SLC51A: variants seen among roughly 807,000 people sequenced by gnomAD.
SLC51A encodes solute carrier family 51 member A.
Under a neutral mutation model 34.8 loss-of-function variants are expected in SLC51A, and 22 were observed. That is an observed-to-expected ratio of 0.63 (90% CI 0.45 to 0.90). The LOEUF (loss-of-function observed/expected upper bound fraction) is 0.90, where lower values mean the gene tolerates loss of function less well. Among genes scored for constraint, SLC51A ranks in the 40% least tolerant of loss-of-function variants. The pLI, the probability that SLC51A is intolerant of heterozygous loss-of-function variation, is 0.00. For missense variants in SLC51A, 371 were observed against 414.8 expected (o/e 0.89, Z 0.92); for synonymous variants, 181 against 176.3 (o/e 1.03, Z -0.21).
intron 2 of SLC51A, 32 bp from the exon 3 acceptor site, chr3:196,226,933 G>C (rs376126691): frequency 6.3e-7 from 1 of 1,588,012 alleles, no homozygotes; most frequent in Non-Finnish European, 8.6e-7. Context: ...GCTCAGTCCC[G>C]GTCGTCAGCT....
At chr3:196,223,938 C>T in intron 2 of SLC51A, 1 of 381,598 alleles carries the variant, frequency 2.6e-6, no homozygotes, top group Non-Finnish European at 5.0e-6. Context: ...CAGCTCAATG[C>T]AACCTCCACC....
intron 2 of SLC51A, among the ~76,000 whole-genome samples, 196 bp from the exon 3 acceptor site, chr3:196,226,769 G>A (rs1232490097): frequency 2.2e-5 from 2 of 91,628 alleles, no homozygotes; most frequent in African/African-American, 4.1e-5. Flanking sequence ...GTGAGGCTCC[G>A]TCTTAAAAAA....
At chr3:196,217,666 A>C (rs551304916) in intron 1 of SLC51A, among the ~76,000 whole-genome samples, 176 bp from the exon 2 acceptor site, 3 of 151,900 alleles carry the variant, frequency 2.0e-5, no homozygotes, top group East Asian at 3.9e-4. Context: ...GAAGGGAGAG[A>C]GAAAGAGAAA....
chr3:196,229,690 A>T (rs1281753095), intron 6 of SLC51A, among the ~76,000 whole-genome samples: 4 of 71,410 alleles, frequency 5.6e-5, no homozygotes, highest in African/African-American at 2.2e-4. Flanking sequence ...CTCTATTATT[A>T]AAAAAAAAAA....
chr3:196,223,045 CCT>C (rs1723800462), intron 2 of SLC51A, among the ~76,000 whole-genome samples: 1 of 151,762 alleles, frequency 6.6e-6, no homozygotes, highest in African/African-American at 2.4e-5. Context: ...CCCAGGGTTG[CCT>C]TTGATGATCT....
At position 196,216,707 on chromosome 3, in the gene SLC51A, G is replaced by T. The variant is rs747550066; in HGVS notation, c.-6G>T. ...TGCCTGCGGGATTGCTGGAGAGAAC[G>T]CGGCGATGGAGCCGGGCAGGACCCA... On this transcript the variant is annotated 5_prime_UTR_variant, in exon 1 of 9. Transcript: ENST00000296327. This position sits in a 1 kb window ranked among gnomAD's most constrained non-coding sequence, Gnocchi z 4.5. The T allele has an allele frequency of 4.5e-6, 7 of 1,567,902 alleles. No individual in the cohort carries two copies. The highest frequency in any genetic ancestry group is 3.5e-5 in the South Asian group (3 of 85,500).
chr3:196,229,378 CTTTT>C (rs35341874), intron 6 of SLC51A, among the ~76,000 whole-genome samples: 2 of 130,898 alleles, frequency 1.5e-5, no homozygotes, highest in African/African-American at 2.8e-5. Context: ...GATACCATCT[CTTTT>C]TTTTTTTTTT....
intron 4 of SLC51A, 30 bp downstream of exon 4, chr3:196,227,767 G>T: frequency 6.3e-7 from 1 of 1,593,598 alleles, no homozygotes; most frequent in Non-Finnish European, 8.6e-7. Flanking sequence ...CCACCTCCAA[G>T]GGCCCCTCTG....
At chr3:196,218,255 A>G (rs926743304) in intron 2 of SLC51A, among the ~76,000 whole-genome samples, 2 of 152,236 alleles carry the variant, frequency 1.3e-5, no homozygotes, top group African/African-American at 2.4e-5. Context: ...CTGGGGACCC[A>G]AGATGGTGCC....
At chr3:196,221,686 TTTTGTTTG>T (rs1278607524) in intron 2 of SLC51A, among the ~76,000 whole-genome samples, 2 of 151,856 alleles carry the variant, frequency 1.3e-5, no homozygotes, top group African/African-American at 2.4e-5. Flanking sequence ...TTTACTTTGT[TTTTGTTTG>T]TTTGTTTGTT....
rs781326524 is a variant in SLC51A, at chr3:196,233,120, T to C, written c.944T>C (p.Met315Thr). 1.2e-6 allele frequency: 2 copies of C among 1,614,222 alleles called. No individual in the cohort carries two copies. Among genetic ancestry groups the C allele is most frequent in the Non-Finnish European group, 1.7e-6 (2 of 1,180,018 alleles). Residue 315 changes from methionine to threonine, a missense_variant, in exon 9 of 9, where the codon ATG becomes ACG. Coordinates refer to ENST00000296327, the MANE Select transcript of SLC51A (RefSeq NM_152672.6). ...ETFLMTVLTR[M>T]YYRRKDHKVG... ...TTTCTAATGACTGTGCTGACACGAA[T>C]GTACTACCGAAGGAAAGACCACAAG...
Position 196,227,091 on chromosome 3 carries a change from C to G in SLC51A, c.260C>G (p.Thr87Ser). The change falls in exon 3 of 9, where the codon ACT becomes AGT. Residue 87 changes from threonine (T) to serine (S), a missense_variant. Coordinates refer to ENST00000296327, the MANE Select transcript of SLC51A (RefSeq NM_152672.6). ...ACCCTTTGCCCCATCAAGAGGCGGACTCTGCTCTGGAAGAGCTCGGCACCC... is the reference window on the plus strand; with the variant it reads ...ACCCTTTGCCCCATCAAGAGGCGGAGTCTGCTCTGGAAGAGCTCGGCACCC... The part of the protein sequence containing the change: ...KNTLCPIKRR[T>S]LLWKSSAPTV... 1.2e-6 allele frequency: 2 copies of G among 1,614,094 alleles called. No individual in the cohort carries two copies. Among genetic ancestry groups the G allele is most frequent in the Non-Finnish European group, 1.7e-6 (2 of 1,180,028 alleles).
chr3:196,225,933 C>G (rs958574348), intron 2 of SLC51A: 1 of 152,194 alleles, frequency 6.6e-6, no homozygotes, highest in Non-Finnish European at 1.5e-5. Flanking sequence ...GTTTGAAAAC[C>G]TTGGACTATA....
chr3:196,229,781 A>G, intron 6 of SLC51A, 134 bp from the exon 7 acceptor site: 1 of 997,536 alleles, frequency 1.0e-6, no homozygotes, highest in South Asian at 2.1e-5. Context: ...TGGAGCCAGG[A>G]GTGTGATGCT....
In SLC51A at chr3:196,227,004, C is replaced by A. The variant is rs751828154; in HGVS notation, c.173C>A (p.Thr58Asn). 3.7e-6 allele frequency: 6 copies of A among 1,614,002 alleles called. No homozygotes were observed. The highest frequency in any genetic ancestry group is 1.7e-4 in the Middle Eastern group (1 of 6,058). Residue 58 changes from threonine (T) to asparagine (N), a missense_variant, in exon 3 of 9, where the codon ACC (threonine) becomes AAC (asparagine). Transcript: ENST00000296327. ...PVELALTSIL[T>N]LLALGSIAIF... The stretch of plus-strand genomic sequence containing the variant: ...GAACTTGCCCTCACTAGCATCCTGA[C>A]CTTGCTGGCGCTGGGCTCCATTGCC...
At chr3:196,224,556 A>G (rs56653551) in intron 2 of SLC51A, among the ~76,000 whole-genome samples, 69,979 of 151,236 alleles carry the variant, frequency 0.46, 17,649 homozygotes, top group East Asian at 0.87. Flanking sequence ...GGTGCCTGTA[A>G]TCCCAGCTAC....
At chr3:196,232,586 A>C in intron 8 of SLC51A, 62 bp downstream of exon 8, 1 of 1,365,872 alleles carries the variant, frequency 7.3e-7, no homozygotes, top group East Asian at 2.3e-5. Flanking sequence ...GTCAGGAAAG[A>C]AGGGGCCCCA....
At chr3:196,225,394 C>T (rs1399350125) in intron 2 of SLC51A, among the ~76,000 whole-genome samples, 1 of 152,228 alleles carries the variant, frequency 6.6e-6, no homozygotes, top group South Asian at 2.1e-4. Context: ...CACCTTTCTC[C>T]CTGTTTTGGT....
intron 2 of SLC51A, among the ~76,000 whole-genome samples, chr3:196,218,592 GGGA>G (rs1488344874): frequency 6.6e-6 from 1 of 152,204 alleles, no homozygotes; most frequent in Non-Finnish European, 1.5e-5. Flanking sequence ...TCCACTGAAG[GGGA>G]GGGTGTGGGG....
Sources: allele counts gnomAD v4.1 joint callset (sites outside exome capture counted in the v4.1 genomes callset), GRCh38; gene constraint gnomAD v4.1.1; non-coding constraint Gnocchi (gnomAD v3.1); transcripts MANE v1.5; gene names NCBI Gene and HGNC (gene_info 2026-07-23, HGNC 2026-07-21).